The following ANKRD26 variants were observed in gnomAD, a reference collection of about 807,000 sequenced individuals.
ANKRD26 encodes ankyrin repeat domain 26.
Under a neutral mutation model 208.7 loss-of-function variants are expected in ANKRD26, and 141 were observed. The ratio of observed to expected loss-of-function variants is 0.68; its 90% confidence interval spans 0.59 to 0.78. The LOEUF (loss-of-function observed/expected upper bound fraction) is 0.78. ANKRD26 is among the 30% of genes least tolerant of loss of function. The pLI is 0.00. For missense variants in ANKRD26, 1,889 were observed against 1,938.7 expected (o/e 0.97, Z 0.48); for synonymous variants, 636 against 660.4 (o/e 0.96, Z 0.57).
chr10:27,028,523 G>A (rs2053750033), intron 27 of ANKRD26, among the ~76,000 whole-genome samples: 1 of 146,256 alleles, frequency 6.8e-6, no homozygotes, highest in African/African-American at 2.5e-5. Context: ...CGTGAACCCG[G>A]GAGGCAGAGC....
In ANKRD26 at chr10:27,083,611, A is replaced by T. The variant is rs549846645; in HGVS notation, c.710-778T>A. On this transcript the variant is annotated intron_variant, in intron 5 of 33. Coordinates refer to ENST00000376087, the MANE Select transcript of ANKRD26 (RefSeq NM_014915.3). The stretch of plus-strand genomic sequence containing the variant: ...TAAAATTAATAAACTGAGCTTCCTA[A>T]CTTTATGTATTTCACCATGGATGGT... 5.3e-5 allele frequency among the ~76,000 whole-genome samples: 8 copies of T among 152,316 alleles called. No homozygotes were observed. The East Asian group carries it at 1.5e-3, about 29-fold the overall frequency.
At chr10:26,994,830 A>G (rs1213488405) in intron 5 of ANKRD26, among the ~76,000 whole-genome samples, 1 of 152,200 alleles carries the variant, frequency 6.6e-6, no homozygotes, top group Admixed American at 6.5e-5. Flanking sequence ...GCAAACCCAA[A>G]TGCAGAGCAG....
At chr10:27,050,145 G>A (rs577949103) in intron 16 of ANKRD26, among the ~76,000 whole-genome samples, 68 of 148,690 alleles carry the variant, frequency 4.6e-4, no homozygotes, top group African/African-American at 1.5e-3. Flanking sequence ...GCTTGAACCC[G>A]GGAGGCGGAG....
intron 16 of ANKRD26, chr10:27,051,299 T>C (rs2054650689): frequency 7.8e-7 from 1 of 1,287,602 alleles, no homozygotes; most frequent in East Asian, 5.6e-5. Flanking sequence ...GTATTGGTTT[T>C]GTTTTCTTGT....
chr10:27,024,277 T>C (rs2053588860), intron 28 of ANKRD26, among the ~76,000 whole-genome samples, 170 bp downstream of exon 28: 1 of 152,196 alleles, frequency 6.6e-6, no homozygotes, highest in Non-Finnish European at 1.5e-5. Context: ...TATTTAGGCA[T>C]TCCAAAAGTT....
At chr10:27,043,760 CAA>C (rs2054344244) in intron 19 of ANKRD26, among the ~76,000 whole-genome samples, 193 bp from the exon 20 acceptor site, 1 of 152,068 alleles carries the variant, frequency 6.6e-6, no homozygotes, top group Non-Finnish European at 1.5e-5. Flanking sequence ...GTCTTTACAA[CAA>C]AAGATTCTCT....
intron 27 of ANKRD26, among the ~76,000 whole-genome samples, chr10:27,028,440 C>CA (rs1271796960): frequency 2.0e-5 from 3 of 151,382 alleles, no homozygotes; most frequent in African/African-American, 7.3e-5. Context: ...ACTAAAAATA[C>CA]AAAAAAATTA....
At chr10:27,003,079 A>G (rs1325208442), downstream of ANKRD26, among the ~76,000 whole-genome samples, 1 of 152,222 alleles carries the variant, frequency 6.6e-6, no homozygotes, top group Non-Finnish European at 1.5e-5. Flanking sequence ...CCTATGCCAA[A>G]TTGGTTCTGT....
chr10:27,054,526 G>A (rs960587252), intron 15 of ANKRD26, among the ~76,000 whole-genome samples: 3 of 152,048 alleles, frequency 2.0e-5, no homozygotes, highest in Non-Finnish European at 4.4e-5. Context: ...CGGAGGTTGC[G>A]GAGAGCCAAG....
rs2055027245 is a variant in ANKRD26, at chr10:27,060,805, A to T, written c.1463-265T>A. On this transcript the variant is annotated intron_variant, in intron 13 of 33. Transcript: ENST00000376087. ...CAAGTGACTATAACTAAAATAGAAA[A>T]GTGCACATATACCAATGTGAGCATG... Among the ~76,000 whole-genome samples, 5 of 152,258 alleles carry T rather than the reference A, an allele frequency of 3.3e-5. 1 individual carries two copies. The South Asian group carries it at 1.0e-3, about 31-fold the overall frequency.
intron 6 of ANKRD26, chr10:27,080,578 G>T: frequency 2.1e-6 from 2 of 952,418 alleles, no homozygotes; most frequent in Non-Finnish European, 2.5e-6. Context: ...TGGAGAAAGA[G>T]TCCTGGTAGT....
In ANKRD26 at chr10:27,022,657, C is replaced by A. The variant is rs2053529048; in HGVS notation, c.4116G>T (p.Lys1372Asn). ...GFKNLLKMTR[K>N]KLNEYENGEF... is the part of the protein sequence containing the mutation. ...CTCCATTTTCATATTCATTTAACTT[C>A]TTTCTTGTCATTTTTAAGAGGTTCT... The change falls in exon 29 of 34, where the codon AAG (lysine) becomes AAT (asparagine). Residue 1372 changes from lysine (K) to asparagine (N), a missense_variant. Around this residue, in one of 3 missense-constraint regions of ANKRD26, gnomAD observed 613 missense variants for 648.2 expected, o/e 0.95. Coordinates refer to ENST00000376087, the MANE Select transcript of ANKRD26 (RefSeq NM_014915.3). 1.9e-6 allele frequency: 3 copies of A among 1,586,986 alleles called. No individual in the cohort carries two copies. Among genetic ancestry groups the A allele is most frequent in the African/African-American group, 2.7e-5 (2 of 74,384 alleles).
In ANKRD26 at chr10:27,082,844, G is replaced by A; in HGVS notation, c.710-11C>T. ...CAGAGCTTTCATCCACTATTAAAGAGAAAAGTAAAACACACTTTAAATCAA... is the reference window on the plus strand; with the variant it reads ...CAGAGCTTTCATCCACTATTAAAGAAAAAAGTAAAACACACTTTAAATCAA... On this transcript the variant is annotated splice_polypyrimidine_tract_variant and intron_variant, in intron 5 of 33. Transcript: ENST00000376087. 1 of 1,586,282 alleles carries A rather than the reference G, an allele frequency of 6.3e-7. No homozygotes were observed. Among genetic ancestry groups the A allele is most frequent in the Non-Finnish European group, 8.6e-7 (1 of 1,165,188 alleles).
intron 32 of ANKRD26, among the ~76,000 whole-genome samples, chr10:27,007,642 C>T (rs1480046188): frequency 2.0e-5 from 3 of 152,078 alleles, no homozygotes; most frequent in Admixed American, 6.6e-5. Flanking sequence ...GATGACAGAG[C>T]GAGACTCCGT....
chr10:27,003,438 G>C (rs936069915), downstream of ANKRD26, among the ~76,000 whole-genome samples: 1 of 152,188 alleles, frequency 6.6e-6, no homozygotes, highest in African/African-American at 2.4e-5. Flanking sequence ...ATTGATTCAA[G>C]CACAAATCAC....
chr10:26,959,093 C>A, the ANKRD26 span, among the ~76,000 whole-genome samples: 1 of 151,922 alleles, frequency 6.6e-6, no homozygotes, highest in Non-Finnish European at 1.5e-5. Context: ...CATATGTCTT[C>A]TTTTGAGGAG....
chr10:27,013,534 A>G (rs2053188067), intron 31 of ANKRD26, among the ~76,000 whole-genome samples: 1 of 152,232 alleles, frequency 6.6e-6, no homozygotes, highest in South Asian at 2.1e-4. Context: ...TTCACCATGT[A>G]CAAATATATC....
chr10:26,986,009 C>T (rs543189363), intron 3 of ANKRD26, among the ~76,000 whole-genome samples: 19 of 152,106 alleles, frequency 1.2e-4, no homozygotes, highest in East Asian at 9.7e-4. Flanking sequence ...GGAGGCATCA[C>T]GCTACCTGAC....
intron 9 of ANKRD26, among the ~76,000 whole-genome samples, chr10:27,074,326 T>C (rs1480141732): frequency 1.3e-5 from 2 of 152,182 alleles, no homozygotes; most frequent in East Asian, 1.9e-4. Context: ...AAGAGAAAGA[T>C]ATTTTAAAGA....
Sources: gnomAD v4.1 joint callset for allele counts (sites outside exome capture counted in the v4.1 genomes callset) on GRCh38, gnomAD v4.1.1 for gene constraint, gnomAD v4.1.1 regional missense constraint, MANE v1.5 for transcripts, NCBI Gene and HGNC (gene_info 2026-07-23, HGNC 2026-07-21) for gene names.